The following NAA30 variants were observed in gnomAD, a reference collection of about 807,000 sequenced individuals.
The protein encoded by NAA30 is N-alpha-acetyltransferase 30, NatC catalytic subunit, also known as N-alpha-acetyltransferase 30.
A neutral mutation model predicts 31.4 loss-of-function variants in NAA30; 5 were observed. The ratio of observed to expected loss-of-function variants is 0.16; its 90% CI spans 0.08 to 0.33. The LOEUF is 0.33. NAA30 is among the 10% of genes least tolerant of loss of function. NAA30 has a pLI of 1.00. For missense variants in NAA30, 428 were observed against 490.8 expected (o/e 0.87, Z 1.21); for synonymous variants, 222 against 207.1 (o/e 1.07, Z -0.62).
Position 57,412,594 on chromosome 14 carries a change from C to T in NAA30, c.*3078C>T, listed in dbSNP as rs968756076. ...TGAGTTGAGTATCTATAAAATATCA[C>T]GTGTATCTCAAAATATTGGACTGCT... is the stretch of plus-strand genomic sequence containing the variant. On this transcript the variant is annotated 3_prime_UTR_variant, in exon 5 of 5. Coordinates refer to ENST00000556492, the MANE Select transcript of NAA30 (RefSeq NM_001011713.3). 3.3e-5 allele frequency: 5 copies of T among 152,090 alleles called. No homozygotes were observed. The highest frequency in any genetic ancestry group is 5.9e-5 in the Non-Finnish European group (4 of 68,026). 9.4% of individuals were successfully genotyped at this position (152,090 alleles called of 1,614,324 possible). A position where few individuals can be genotyped will look rare whatever the true frequency, so the allele number is the denominator to read the frequency against.
intron 4 of NAA30, among the ~76,000 whole-genome samples, chr14:57,400,228 C>G (rs1165020194): frequency 6.6e-6 from 1 of 152,190 alleles, no homozygotes; most frequent in Non-Finnish European, 1.5e-5. Flanking sequence ...CAATGGGAAA[C>G]TGTCAGTCTA....
At chr14:57,407,149 A>AAAGT (rs2066501451) in intron 4 of NAA30, among the ~76,000 whole-genome samples, 1 of 152,144 alleles carries the variant, frequency 6.6e-6, no homozygotes, top group Non-Finnish European at 1.5e-5. Context: ...TTGACCTCCC[A>AAAGT]AAGTGCTGGG....
At chr14:57,397,687 G>C (rs1251040424) in intron 3 of NAA30, among the ~76,000 whole-genome samples, 1 of 152,220 alleles carries the variant, frequency 6.6e-6, no homozygotes, top group Admixed American at 6.5e-5. Context: ...AGCATTTTGG[G>C]AGGCCAAGGC....
chr14:57,403,153 C>G (rs1430739963), intron 4 of NAA30, among the ~76,000 whole-genome samples: 1 of 151,872 alleles, frequency 6.6e-6, no homozygotes, highest in East Asian at 1.9e-4. Flanking sequence ...TGCTTTCCAG[C>G]CTGGGAGACA....
intron 4 of NAA30, among the ~76,000 whole-genome samples, chr14:57,407,471 A>G (rs964587046): frequency 2.6e-5 from 4 of 152,160 alleles, no homozygotes; most frequent in Non-Finnish European, 4.4e-5. Flanking sequence ...GGAAAGGGGC[A>G]CTGTACCCAA....
chr14:57,399,179 A>C (rs2066463478), intron 3 of NAA30, among the ~76,000 whole-genome samples: 1 of 152,226 alleles, frequency 6.6e-6, no homozygotes, highest in African/African-American at 2.4e-5. Context: ...TTTTTAAATA[A>C]AATTTGTCTG....
chr14:57,393,848 A>G (rs142256431), intron 2 of NAA30, among the ~76,000 whole-genome samples: 243 of 151,642 alleles, frequency 1.6e-3, no homozygotes, highest in Admixed American at 4.9e-3. Flanking sequence ...CTGGCCTCTC[A>G]TTATGGTAAC....
In NAA30 at chr14:57,414,055, A is replaced by G. The variant is rs2066536255; in HGVS notation, c.*4539A>G. On this transcript the variant is annotated 3_prime_UTR_variant, in exon 5 of 5. Transcript: ENST00000556492. ...GCTTGTGGCTACTGTATTGGACAGC[A>G]GAGCTTTAGATAAGCAGTAATAACA... 1 of 152,232 alleles carries G rather than the reference A, an allele frequency of 6.6e-6. No homozygotes were observed. Among genetic ancestry groups the G allele is most frequent in the East Asian group, 1.9e-4 (1 of 5,196 alleles). The allele number at this position is 152,232 out of a possible 1,614,324, so 9.4% of individuals were successfully genotyped here. A position where few individuals can be genotyped will look rare whatever the true frequency, so the allele number is the denominator to read the frequency against.
At chr14:57,401,801 T>A (rs2066478652) in intron 4 of NAA30, among the ~76,000 whole-genome samples, 1 of 152,256 alleles carries the variant, frequency 6.6e-6, no homozygotes, top group Non-Finnish European at 1.5e-5. Flanking sequence ...CATGTAAAGA[T>A]GTCAGGAATG....
chr14:57,399,857 G>T lies in NAA30; in HGVS notation c.925G>T (p.Ala309Ser), dbSNP rs998176112. Reference protein sequence around the residue: ...GTNLVKKAIYAMVEGDCDEVV... With the variant: ...GTNLVKKAIYSMVEGDCDEVV... ...TAACTTGGTTAAGAAAGCTATATAT[G>T]CCATGGTTGAGGGAGACTGTGATGA... The change falls in exon 4 of 5, where the codon GCC (alanine) becomes TCC (serine). Residue 309 changes from alanine to serine, a missense_variant. Ala to Ser is a moderately conservative substitution (Grantham distance 99, BLOSUM62 1). Around this residue, in one of 2 missense-constraint regions of NAA30, gnomAD observed 79 missense variants for 180.3 expected, o/e 0.44. Transcript: ENST00000556492. 2 of 1,545,830 alleles carry T rather than the reference G, an allele frequency of 1.3e-6. No individual in the cohort carries two copies. The highest frequency in any genetic ancestry group is 2.7e-5 in the African/African-American group (2 of 73,736).
intron 2 of NAA30, among the ~76,000 whole-genome samples, chr14:57,394,392 G>A (rs1271266049): frequency 6.6e-6 from 1 of 151,986 alleles, no homozygotes; most frequent in Non-Finnish European, 1.5e-5. Context: ...TGGCCTTGTA[G>A]TGTTAAGTCT....
intron 3 of NAA30, among the ~76,000 whole-genome samples, chr14:57,398,594 A>T (rs1166509426): frequency 6.6e-6 from 1 of 151,982 alleles, no homozygotes; most frequent in Non-Finnish European, 1.5e-5. Flanking sequence ...AGCACCTGGG[A>T]CTACAGGCAC....
intron 4 of NAA30, among the ~76,000 whole-genome samples, chr14:57,400,628 G>C (rs2066471373): frequency 6.6e-6 from 1 of 152,186 alleles, no homozygotes; most frequent in Non-Finnish European, 1.5e-5. Context: ...TTAGAGGTCA[G>C]ATGTGCCTTA....
At chr14:57,403,497 T>C (rs747449220) in intron 4 of NAA30, among the ~76,000 whole-genome samples, 5 of 152,236 alleles carry the variant, frequency 3.3e-5, no homozygotes, top group Non-Finnish European at 5.9e-5. Context: ...TACTGTAAGT[T>C]TCCCAACTTT....
Position 57,390,916 on chromosome 14 carries a change from C to T in NAA30, c.-1-41C>T, listed in dbSNP as rs201763961. ...CCCCCTGTTCTCCGCGCTCCTCGGCCGGGTTTCATGGCCTCCCCTCTCGGT... is the reference window on the plus strand; with the variant it reads ...CCCCCTGTTCTCCGCGCTCCTCGGCTGGGTTTCATGGCCTCCCCTCTCGGT... On this transcript the variant is annotated intron_variant, in intron 1 of 4. Transcript: ENST00000556492. 3.5e-4 allele frequency: 503 copies of T among 1,452,894 alleles called. 4 individuals are homozygous for T. In the African/African-American group the frequency reaches 6.8e-3, roughly 20 times the overall value. 90.0% of individuals were successfully genotyped at this position (1,452,894 alleles called of 1,614,324 possible). A position where few individuals can be genotyped will look rare whatever the true frequency, so the allele number is the denominator to read the frequency against.
rs2066529231 is a variant in NAA30 at position 57,412,739 on chromosome 14, T to A, written c.*3223T>A. The stretch of plus-strand genomic sequence containing the variant: ...TAAGATGCAGTCAAATAAAGTATGG[T>A]TAAGTTGTGTTTGCATTTTTCTTTT... On this transcript the variant is annotated 3_prime_UTR_variant, in exon 5 of 5. Transcript: ENST00000556492. The A allele has an allele frequency of 6.6e-6, 1 of 152,156 alleles. No individual in the cohort carries two copies. The highest frequency in any genetic ancestry group is 6.5e-5 in the Admixed American group (1 of 15,268). 9.4% of individuals were successfully genotyped at this position (152,156 alleles called of 1,614,324 possible).
Position 57,414,826 on chromosome 14 carries a change from AAG to A in NAA30, c.*5313_*5314del, listed in dbSNP as rs2066540219. 1 of 152,236 alleles carries A rather than the reference AAG, an allele frequency of 6.6e-6. No homozygotes were observed. Among genetic ancestry groups the A allele is most frequent in the African/African-American group, 2.4e-5 (1 of 41,468 alleles). The allele number at this position is 152,236 out of a possible 1,614,324, so 9.4% of individuals were successfully genotyped here. ...TACAACCTGTTAACACTGTTGAGGA[AAG>A]AGCTCAAAACATGCATTACTTTGGG... On this transcript the variant is annotated 3_prime_UTR_variant, in exon 5 of 5. Coordinates refer to ENST00000556492, the MANE Select transcript of NAA30 (RefSeq NM_001011713.3).
At chr14:57,399,955 T>G in intron 4 of NAA30, 72 bp downstream of exon 4, 2 of 768,576 alleles carry the variant, frequency 2.6e-6, no homozygotes, top group Non-Finnish European at 4.3e-6. Flanking sequence ...ATAAATATTT[T>G]ATAATTTATT....
chr14:57,408,951 A>G (rs757951485), intron 4 of NAA30, among the ~76,000 whole-genome samples: 1 of 152,240 alleles, frequency 6.6e-6, no homozygotes, highest in Non-Finnish European at 1.5e-5. Context: ...AATAAATGAC[A>G]TATTAATGAA....
Sources: gnomAD v4.1 joint callset for allele counts (sites outside exome capture counted in the v4.1 genomes callset) on GRCh38, gnomAD v4.1.1 for gene constraint, gnomAD v4.1.1 regional missense constraint, MANE v1.5 for transcripts, NCBI Gene and HGNC (gene_info 2026-07-23, HGNC 2026-07-21) for gene names.